LANCL3: variants seen among roughly 807,000 people sequenced by gnomAD.
The protein encoded by LANCL3 is lanC-like protein 3.
In LANCL3, 19 loss-of-function variants were observed where a neutral mutation model predicts 26.5. That is an observed-to-expected ratio of 0.72 (90% confidence interval 0.50 to 1.05). The LOEUF (loss-of-function observed/expected upper bound fraction) is 1.05, where lower values mean the gene tolerates loss of function less well. Among genes scored for constraint, LANCL3 ranks in the 50% least tolerant of loss-of-function variants. The probability of loss-of-function intolerance (pLI) is 0.00; values close to 1 mark genes in which losing one functional copy is unlikely to be tolerated. For missense variants in LANCL3, 318 were observed against 362.7 expected, an observed-to-expected ratio of 0.88 and a Z score of 1.00; for synonymous variants, 160 against 166.6, an observed-to-expected ratio of 0.96 and a Z score of 0.30.
At chrX:37,594,083 G>C (rs1300284703) in intron 1 of LANCL3, among the ~76,000 whole-genome samples, 1 of 111,401 alleles carries the variant, frequency 9.0e-6, no homozygotes, top group Non-Finnish European at 1.9e-5. Context: ...CAGTGAGAAG[G>C]GGTATGGGGA....
intron 1 of LANCL3, among the ~76,000 whole-genome samples, chrX:37,646,705 G>A (rs1018719267): frequency 2.2e-4 from 24 of 111,330 alleles, no homozygotes; most frequent in African/African-American, 7.5e-4. Context: ...TATCTCTTTT[G>A]CTGGTCCCAG....
chrX:37,647,040 T>C (rs1337884650), intron 1 of LANCL3, among the ~76,000 whole-genome samples: 85 of 111,955 alleles, frequency 7.6e-4, no homozygotes, highest in African/African-American at 2.6e-3. Context: ...GGAGGCTGGG[T>C]GTGGTGGCTC....
Position 37,679,889 on chromosome X carries a change from T to C in LANCL3, c.*4076T>C, listed in dbSNP as rs1432683463. On this transcript the variant is annotated 3_prime_UTR_variant, in exon 5 of 5. Coordinates refer to ENST00000378619, the MANE Select transcript of LANCL3 (RefSeq NM_001170331.2). ...TAAAGAACCAGTCCATTCTTACCCA[T>C]GAGTTTTATTGCTTTCTGGGACCTC... is the stretch of plus-strand genomic sequence containing the variant. 1.8e-5 allele frequency: 2 copies of C among 111,506 alleles called. No individual in the cohort carries two copies. The highest frequency in any genetic ancestry group is 6.5e-5 in the African/African-American group (2 of 30,643). The allele number at this position is 111,506 out of a possible 1,213,427, so 9.2% of individuals were successfully genotyped here.
chrX:37,614,787 A>C (rs782285645), intron 1 of LANCL3, among the ~76,000 whole-genome samples: 1 of 112,272 alleles, frequency 8.9e-6, no homozygotes, highest in East Asian at 2.8e-4. Context: ...ACTAGGTTAC[A>C]AGTGTAATAA....
intron 1 of LANCL3, among the ~76,000 whole-genome samples, chrX:37,619,383 C>T (rs969654126): frequency 9.0e-5 from 10 of 111,211 alleles, no homozygotes; most frequent in Middle Eastern, 4.2e-3. Flanking sequence ...GGATTGTCTG[C>T]GGAAAATCCT....
chrX:37,667,239 T>C (rs1926565829), intron 3 of LANCL3, 43 bp from the exon 4 acceptor site: 1 of 874,721 alleles, frequency 1.1e-6, no homozygotes, highest in African/African-American at 2.1e-5. Context: ...TCCAAAGTAT[T>C]AAGTCCTGAA....
chrX:37,629,366 A>G (rs1925414231), intron 1 of LANCL3, among the ~76,000 whole-genome samples: 1 of 108,265 alleles, frequency 9.2e-6, no homozygotes, highest in Admixed American at 9.9e-5. Context: ...TCAGATGAGT[A>G]GGTTGCGAAA....
At chrX:37,596,142 G>C (rs781794043) in intron 1 of LANCL3, among the ~76,000 whole-genome samples, 9 of 111,908 alleles carry the variant, frequency 8.0e-5, no homozygotes, top group African/African-American at 2.9e-4. Flanking sequence ...ATGGGTCCTC[G>C]TAATTTTTCT....
Position 37,678,272 on chromosome X carries a change from C to T in LANCL3, c.*2459C>T, listed in dbSNP as rs998906586. The T allele has an allele frequency of 3.3e-4, 36 of 110,600 alleles. No individual in the cohort carries two copies. The highest frequency in any genetic ancestry group is 1.8e-3 in the Admixed American group (19 of 10,390). The allele number at this position is 110,600 out of a possible 1,213,427, so 9.1% of individuals were successfully genotyped here. ...TATTATTTTTCCAAGAAGGGGAAAA[C>T]GATTCTTACATTTTGCTGTAGGAAA... On this transcript the variant is annotated 3_prime_UTR_variant, in exon 5 of 5. Coordinates refer to ENST00000378619, the MANE Select transcript of LANCL3 (RefSeq NM_001170331.2).
chrX:37,595,145 C>A (rs782331352), intron 1 of LANCL3, among the ~76,000 whole-genome samples: 3 of 111,552 alleles, frequency 2.7e-5, no homozygotes, highest in Non-Finnish European at 1.9e-5. Flanking sequence ...TCCTAGGGAG[C>A]CTTCAGCTGA....
chrX:37,600,956 TA>T lies in LANCL3; in HGVS notation c.573+28518del, dbSNP rs782052540. ...GGTCATTGCCTGTGTCTCTACTCAG[TA>T]AAAACATTCAGCTGACACTAGGGAT... On this transcript the variant is annotated intron_variant, in intron 1 of 4. Transcript: ENST00000378619. Among the ~76,000 whole-genome samples the T allele has an allele frequency of 5.9e-4, 66 of 112,015 alleles. No individual in the cohort carries two copies. The East Asian group carries it at 0.017, about 29-fold the overall frequency.
Position 37,679,192 on chromosome X carries a change from T to C in LANCL3, c.*3379T>C, listed in dbSNP as rs1926877522. ...TTTTAATGTGCAGATCCTTTATATA[T>C]TTAAAAGGGATGTTATATTTTACCC... On this transcript the variant is annotated 3_prime_UTR_variant, in exon 5 of 5. Coordinates refer to ENST00000378619, the MANE Select transcript of LANCL3 (RefSeq NM_001170331.2). 2 of 111,862 alleles carry C rather than the reference T, an allele frequency of 1.8e-5. No individual in the cohort carries two copies. Among genetic ancestry groups the C allele is most frequent in the Non-Finnish European group, 3.8e-5 (2 of 53,138 alleles). 9.2% of individuals were successfully genotyped at this position (111,862 alleles called of 1,213,427 possible). A position where few individuals can be genotyped will look rare whatever the true frequency, so the allele number is the denominator to read the frequency against.
chrX:37,601,857 A>T (rs1389843660), intron 1 of LANCL3, among the ~76,000 whole-genome samples: 1 of 112,102 alleles, frequency 8.9e-6, no homozygotes, highest in Non-Finnish European at 1.9e-5. Context: ...TGGCCATGTA[A>T]GGGAATCTGG....
intron 1 of LANCL3, among the ~76,000 whole-genome samples, chrX:37,630,057 C>T (rs1425560204): frequency 8.1e-5 from 9 of 111,298 alleles, no homozygotes; most frequent in Admixed American, 9.5e-5. Flanking sequence ...GCCATTTTCA[C>T]GATATTGATT....
intron 1 of LANCL3, among the ~76,000 whole-genome samples, chrX:37,576,337 T>G (rs180948256): frequency 2.2e-4 from 25 of 111,722 alleles, no homozygotes; most frequent in African/African-American, 7.8e-4. Context: ...CAGATATCCT[T>G]GAGCAATGGG....
intron 1 of LANCL3, among the ~76,000 whole-genome samples, chrX:37,602,602 C>T (rs1556420128): frequency 9.0e-6 from 1 of 111,221 alleles, no homozygotes; most frequent in Non-Finnish European, 1.9e-5. Context: ...ATTTTTTAGT[C>T]AATGTTCTGC....
chrX:37,682,592 T>A lies in LANCL3; in HGVS notation c.*6779T>A, dbSNP rs1185617883. The A allele has an allele frequency of 2.7e-5, 3 of 112,388 alleles. No individual in the cohort carries two copies. The highest frequency in any genetic ancestry group is 5.6e-5 in the Non-Finnish European group (3 of 53,343). The allele number at this position is 112,388 out of a possible 1,213,427, so 9.3% of individuals were successfully genotyped here. On this transcript the variant is annotated 3_prime_UTR_variant, in exon 5 of 5. Transcript: ENST00000378619. ...TCTATGCTTAAGTGGCAGTTACCAATATAATTAATTCTGCTGCTGAATTTG... is the reference window on the plus strand; with the variant it reads ...TCTATGCTTAAGTGGCAGTTACCAAAATAATTAATTCTGCTGCTGAATTTG...
intron 1 of LANCL3, among the ~76,000 whole-genome samples, chrX:37,620,770 A>G (rs781890656): frequency 6.2e-5 from 7 of 112,027 alleles, no homozygotes; most frequent in Non-Finnish European, 1.1e-4. Flanking sequence ...GGGCTCAGCT[A>G]CTTTCTTAAG....
chrX:37,655,134 T>C (rs1393456455), intron 1 of LANCL3, among the ~76,000 whole-genome samples: 1 of 112,807 alleles, frequency 8.9e-6, no homozygotes, highest in African/African-American at 3.2e-5. Flanking sequence ...ATATTAGAAG[T>C]TATTTTGTGT....
Sources: allele counts gnomAD v4.1 joint callset (sites outside exome capture counted in the v4.1 genomes callset), GRCh38; gene constraint gnomAD v4.1.1; transcripts MANE v1.5; gene names NCBI Gene and HGNC (gene_info 2026-07-23, HGNC 2026-07-21).